Variants in UBR1 observed in about 807,000 individuals in gnomAD.
UBR1 encodes E3 ubiquitin-protein ligase UBR1.
In UBR1, 102 loss-of-function variants were observed where a neutral mutation model predicts 242.1. The observed-to-expected ratio is 0.42, with a 90% confidence interval of 0.36 to 0.50. The LOEUF (loss-of-function observed/expected upper bound fraction) is 0.50, where lower values mean the gene tolerates loss of function less well. Among genes scored for constraint, UBR1 ranks in the 20% least tolerant of loss-of-function variants. The probability of loss-of-function intolerance (pLI) is 0.01; values close to 1 mark genes in which losing one functional copy is unlikely to be tolerated. For synonymous variants in UBR1, 675 were observed against 684.8 expected (o/e 0.99, Z 0.22); for missense variants, 1,772 against 2,101.8 (o/e 0.84, Z 3.07).
At chr15:43,067,683 C>A (rs1187982244) in intron 6 of UBR1, among the ~76,000 whole-genome samples, 1 of 152,042 alleles carries the variant, frequency 6.6e-6, no homozygotes, top group Non-Finnish European at 1.5e-5. Context: ...CAGTAACTTT[C>A]TAATTATTTA....
intron 31 of UBR1, 34 bp downstream of exon 31, chr15:43,003,803 T>G: frequency 6.2e-7 from 1 of 1,601,178 alleles, no homozygotes; most frequent in Non-Finnish European, 8.6e-7. Context: ...ATGTTCCTAG[T>G]CTCTTTCAAG....
intron 43 of UBR1, among the ~76,000 whole-genome samples, chr15:42,960,260 A>G (rs935067684): frequency 1.3e-5 from 2 of 152,192 alleles, no homozygotes; most frequent in Non-Finnish European, 1.5e-5. Flanking sequence ...AGTTCTATGT[A>G]TATCTTGCTT....
intron 1 of UBR1, among the ~76,000 whole-genome samples, chr15:43,104,639 C>A (rs12913112): frequency 1.3e-5 from 2 of 151,674 alleles, no homozygotes. Flanking sequence ...TGACTCATGC[C>A]GTAGCTCCCT....
Position 43,021,304 on chromosome 15 carries a change from G to A in UBR1, c.2911C>T (p.Gln971Ter). The A allele has an allele frequency of 1.2e-6, 2 of 1,613,690 alleles. No individual in the cohort carries two copies. The highest frequency in any genetic ancestry group is 8.5e-7 in the Non-Finnish European group (1 of 1,179,820). Reference protein sequence around the residue: ...KLKGIPQLEGQKDMITWILQM... With the variant: ...KLKGIPQLEG ...AGTATCCACGTTATCATGTCCTTCT[G>A]GCCTTCTAACTGGGGAATTCCTTTG... Residue 971 changes from glutamine (Q) to a stop codon, truncating the protein, a stop_gained, in exon 27 of 47, where the codon CAG becomes TAG. Transcript: ENST00000290650. LOFTEE classifies it high-confidence loss of function.
At chr15:43,043,503 A>G in intron 14 of UBR1, 108 bp from the exon 15 acceptor site, 1 of 1,024,206 alleles carries the variant, frequency 9.8e-7, no homozygotes, top group African/African-American at 1.6e-5. Flanking sequence ...GTACAGTGGC[A>G]TAATCACAGC....
At chr15:43,011,181 CA>C (rs994808478) in intron 29 of UBR1, among the ~76,000 whole-genome samples, 48 of 128,072 alleles carry the variant, frequency 3.7e-4, no homozygotes, top group South Asian at 5.0e-4. Flanking sequence ...GACCCCATCT[CA>C]AAAAAAAAAA....
chr15:43,074,846 A>G, intron 4 of UBR1, 133 bp downstream of exon 4: 1 of 712,798 alleles, frequency 1.4e-6, no homozygotes, highest in Non-Finnish European at 2.5e-6. Context: ...CTAGAAAAAA[A>G]GCCTCCTTAC....
At chr15:42,970,453 C>G (rs778360740) in intron 40 of UBR1, 67 bp downstream of exon 40, 192 of 1,481,464 alleles carry the variant, frequency 1.3e-4, no homozygotes, top group Non-Finnish European at 1.8e-4. Flanking sequence ...TCAAATGTTA[C>G]GTTGCCAAAC....
chr15:42,975,231 T>A (rs1169997458), intron 39 of UBR1, among the ~76,000 whole-genome samples: 1 of 152,228 alleles, frequency 6.6e-6, no homozygotes, highest in Non-Finnish European at 1.5e-5. Flanking sequence ...AGCAAAAATG[T>A]ATATAAACAC....
chr15:43,051,084 C>CGGT (rs2033549586), intron 12 of UBR1, among the ~76,000 whole-genome samples: 1 of 152,114 alleles, frequency 6.6e-6, no homozygotes, highest in Non-Finnish European at 1.5e-5. Flanking sequence ...GGTATTCACC[C>CGGT]AAAGGAATAT....
intron 24 of UBR1, among the ~76,000 whole-genome samples, 171 bp downstream of exon 24, chr15:43,025,210 C>T (rs1368200793): frequency 2.6e-5 from 4 of 152,178 alleles, no homozygotes; most frequent in Admixed American, 2.0e-4. Context: ...TAAATTCAAT[C>T]ACTACTGATA....
intron 16 of UBR1, 94 bp downstream of exon 16, chr15:43,038,077 G>A (rs973707319): frequency 1.4e-6 from 2 of 1,418,956 alleles, no homozygotes; most frequent in African/African-American, 2.8e-5. Context: ...AATTCCTCAG[G>A]TGGGTTTCTA....
At chr15:43,092,153 C>T in intron 1 of UBR1, 1 of 355,968 alleles carries the variant, frequency 2.8e-6, no homozygotes, top group Non-Finnish European at 5.7e-6. Flanking sequence ...CTTAAATACC[C>T]TCTCCATCAG....
rs532023083 is a variant in UBR1 at position 42,987,294 on chromosome 15, G to C, written c.3997+1525C>G. Among the ~76,000 whole-genome samples the C allele has an allele frequency of 2.4e-4, 36 of 152,362 alleles. 2 individuals are homozygous for C. The East Asian group carries it at 6.8e-3, about 29-fold the overall frequency. ...ACCCACTCATAGGAGCCCTCTGAGG[G>C]CACCGGTAGGGGGTCTGCTAAGGGC... On this transcript the variant is annotated intron_variant, in intron 35 of 46. Coordinates refer to ENST00000290650, the MANE Select transcript of UBR1 (RefSeq NM_174916.3).
intron 26 of UBR1, 37 bp from the exon 27 acceptor site, chr15:43,021,412 T>A (rs754554725): frequency 5.7e-6 from 9 of 1,590,684 alleles, no homozygotes; most frequent in Non-Finnish European, 7.8e-6. Flanking sequence ...CATAAATACA[T>A]AAAGTCATCT....
intron 41 of UBR1, 43 bp from the exon 42 acceptor site, chr15:42,964,086 A>G: frequency 7.5e-7 from 1 of 1,331,248 alleles, no homozygotes; most frequent in Non-Finnish European, 1.1e-6. Flanking sequence ...CATTATTCTT[A>G]CCTGGTCAAT....
At chr15:43,087,992 G>C (rs935726399) in intron 1 of UBR1, among the ~76,000 whole-genome samples, 3 of 152,160 alleles carry the variant, frequency 2.0e-5, no homozygotes, top group African/African-American at 7.2e-5. Flanking sequence ...GTTTATATTT[G>C]AATACAAAAA....
chr15:43,049,097 A>T (rs921689818), intron 12 of UBR1, among the ~76,000 whole-genome samples: 1 of 152,226 alleles, frequency 6.6e-6, no homozygotes. Context: ...AGTTATCAGG[A>T]AGTAATTATT....
intron 34 of UBR1, among the ~76,000 whole-genome samples, chr15:42,989,428 G>A (rs1041447444): frequency 3.9e-5 from 6 of 152,168 alleles, no homozygotes; most frequent in Non-Finnish European, 7.4e-5. Context: ...CCATGTACCT[G>A]GAGTGATAAT....
Sources: allele counts gnomAD v4.1 joint callset (sites outside exome capture counted in the v4.1 genomes callset), GRCh38; gene constraint gnomAD v4.1.1; transcripts MANE v1.5; gene names NCBI Gene and HGNC (gene_info 2026-07-23, HGNC 2026-07-21).